Variants in CD96 observed in about 807,000 individuals in gnomAD.
CD96 encodes CD96 molecule.
In CD96, 70 loss-of-function variants were observed where a neutral mutation model predicts 71.3. That is an observed-to-expected ratio of 0.98 (90% CI 0.81 to 1.20). The LOEUF (loss-of-function observed/expected upper bound fraction) is 1.20. CD96 is among the 50% of genes most tolerant of loss of function. CD96 has a pLI of 0.00. For synonymous variants in CD96, 248 were observed against 233.0 expected, an observed-to-expected ratio of 1.06 and a Z score of -0.59; for missense variants, 742 against 677.5, an observed-to-expected ratio of 1.10 and a Z score of -1.06.
In CD96 at chr3:111,651,696, C is replaced by T. The variant is rs577134912; in HGVS notation, c.*1890C>T. ...AGGAGATCGAGACCATCCTGGCTAACACAGTGAAACCCCGTCTCTACTAAA... is the reference window on the plus strand; with the variant it reads ...AGGAGATCGAGACCATCCTGGCTAATACAGTGAAACCCCGTCTCTACTAAA... On this transcript the variant is annotated 3_prime_UTR_variant, in exon 14 of 14. Coordinates refer to ENST00000352690, the MANE Select transcript of CD96 (RefSeq NM_005816.5). 3 of 152,196 alleles carry T rather than the reference C, an allele frequency of 2.0e-5. No individual in the cohort carries two copies. Among genetic ancestry groups the T allele is most frequent in the Admixed American group, 2.0e-4 (3 of 15,274 alleles). The allele number at this position is 152,196 out of a possible 1,614,324, so 9.4% of individuals were successfully genotyped here.
chr3:111,570,797 A>G, intron 3 of CD96: 1 of 1,613,652 alleles, frequency 6.2e-7, no homozygotes, highest in Non-Finnish European at 8.5e-7. Flanking sequence ...CTTCCAAAGC[A>G]GGTGGCCCTG....
chr3:111,663,728 G>T (rs1940410113), intron 14 of CD96, among the ~76,000 whole-genome samples: 1 of 148,806 alleles, frequency 6.7e-6, no homozygotes, highest in East Asian at 2.0e-4. Flanking sequence ...TGGCAAGGTT[G>T]TGAAGAAAAG....
chr3:111,662,037 T>C (rs929966628), intron 14 of CD96, among the ~76,000 whole-genome samples: 7 of 152,222 alleles, frequency 4.6e-5, no homozygotes, highest in African/African-American at 1.7e-4. Flanking sequence ...TTCTTTGAAA[T>C]CTAGGGAGAG....
chr3:111,661,232 C>T (rs1388071283), intron 14 of CD96, among the ~76,000 whole-genome samples: 1 of 152,172 alleles, frequency 6.6e-6, no homozygotes, highest in African/African-American at 2.4e-5. Flanking sequence ...GGAAGGGGGA[C>T]ACCCACTTCC....
intron 10 of CD96, among the ~76,000 whole-genome samples, chr3:111,636,512 G>A (rs1253259617): frequency 6.6e-6 from 1 of 152,120 alleles, no homozygotes; most frequent in Non-Finnish European, 1.5e-5. Context: ...ACAGATATGT[G>A]GTGTCTGCCA....
chr3:111,595,842 CTT>C (rs1299098246), intron 5 of CD96, among the ~76,000 whole-genome samples: 3 of 151,804 alleles, frequency 2.0e-5, no homozygotes, highest in Non-Finnish European at 2.9e-5. Flanking sequence ...GAAGAAAAAA[CTT>C]TGTGTTATAA....
chr3:111,621,989 A>G (rs954219477), intron 8 of CD96, among the ~76,000 whole-genome samples: 1 of 152,234 alleles, frequency 6.6e-6, no homozygotes, highest in Non-Finnish European at 1.5e-5. Flanking sequence ...GCAGTGAGCT[A>G]GAAGTTACAA....
At chr3:111,637,070 A>G (rs1939363463) in intron 10 of CD96, 126 bp from the exon 11 acceptor site, 3 of 700,762 alleles carry the variant, frequency 4.3e-6, no homozygotes, top group Non-Finnish European at 7.9e-6. Context: ...GCTATGGAAC[A>G]GTTTAATGAT....
downstream of CD96, among the ~76,000 whole-genome samples, chr3:111,653,870 A>G (rs968998061): frequency 6.6e-6 from 1 of 152,172 alleles, no homozygotes; most frequent in Non-Finnish European, 1.5e-5. Flanking sequence ...AAACAATGAA[A>G]AGTAGAAATA....
At chr3:111,567,136 T>C (rs911158590) in intron 2 of CD96, among the ~76,000 whole-genome samples, 3 of 152,100 alleles carry the variant, frequency 2.0e-5, no homozygotes, top group Non-Finnish European at 4.4e-5. Context: ...AACCTAAAAC[T>C]ACTCCAAAAA....
Position 111,578,992 on chromosome 3 carries a change from A to T in CD96, c.544-35A>T, listed in dbSNP as rs370355294. ...GCCTAGTTCAGAGCTGGCACAGTTGAGGACTCAATAACTGGTAACAATTTT... is the reference window on the plus strand; with the variant it reads ...GCCTAGTTCAGAGCTGGCACAGTTGTGGACTCAATAACTGGTAACAATTTT... On this transcript the variant is annotated intron_variant, in intron 3 of 13. Coordinates refer to ENST00000352690, the MANE Select transcript of CD96 (RefSeq NM_005816.5). The T allele has an allele frequency of 1.6e-4, 169 of 1,049,710 alleles. No homozygotes were observed. In the African/African-American group the frequency reaches 2.4e-3, roughly 15 times the overall value. 65.0% of individuals were successfully genotyped at this position (1,049,710 alleles called of 1,614,324 possible).
intron 5 of CD96, chr3:111,594,777 TG>T (rs1396597679): frequency 6.6e-5 from 11 of 167,344 alleles, no homozygotes; most frequent in African/African-American, 2.7e-4. Context: ...AGGCAGATGC[TG>T]GTGCAGGAGA....
At chr3:111,649,069 T>A (rs1301231814) in intron 13 of CD96, among the ~76,000 whole-genome samples, 1 of 152,160 alleles carries the variant, frequency 6.6e-6, no homozygotes, top group African/African-American at 2.4e-5. Flanking sequence ...CTCTACCCTA[T>A]CCCCGCAGTA....
At chr3:111,595,916 C>A (rs1042276363) in intron 5 of CD96, among the ~76,000 whole-genome samples, 1 of 152,030 alleles carries the variant, frequency 6.6e-6, no homozygotes, top group African/African-American at 2.4e-5. Context: ...AGTCCCAGCA[C>A]TTTGGGAGGC....
At chr3:111,623,634 G>A (rs1938608867) in intron 8 of CD96, 120 bp from the exon 9 acceptor site, 3 of 706,382 alleles carry the variant, frequency 4.2e-6, no homozygotes, top group Non-Finnish European at 7.9e-6. Flanking sequence ...TATAAAATGA[G>A]GCTGTTCACT....
intron 3 of CD96, among the ~76,000 whole-genome samples, chr3:111,568,200 A>G (rs1935813577): frequency 6.6e-6 from 1 of 152,232 alleles, no homozygotes; most frequent in Admixed American, 6.5e-5. Context: ...CTGCAGGCCT[A>G]TAGTTGCATG....
intron 12 of CD96, among the ~76,000 whole-genome samples, chr3:111,643,338 T>C (rs996888228): frequency 6.6e-6 from 1 of 151,972 alleles, no homozygotes; most frequent in Non-Finnish European, 1.5e-5. Context: ...CTTAATGTAA[T>C]AAAAACCATC....
intron 10 of CD96, 148 bp downstream of exon 10, chr3:111,624,552 T>A: frequency 1.5e-6 from 1 of 663,204 alleles, no homozygotes. Flanking sequence ...TGTTGTAGAT[T>A]CTGAGACTAC....
chr3:111,567,993 A>G (rs778422904), intron 3 of CD96, among the ~76,000 whole-genome samples: 3 of 152,262 alleles, frequency 2.0e-5, no homozygotes, highest in Non-Finnish European at 2.9e-5. Flanking sequence ...TACTTGTTTC[A>G]CAAACAACAT....
Sources: allele counts gnomAD v4.1 joint callset (sites outside exome capture counted in the v4.1 genomes callset), GRCh38; gene constraint gnomAD v4.1.1; transcripts MANE v1.5; gene names NCBI Gene and HGNC (gene_info 2026-07-23, HGNC 2026-07-21).